Variants in UBE2K observed in about 807,000 individuals in gnomAD.
The protein encoded by UBE2K is ubiquitin conjugating enzyme E2 K.
In UBE2K, 6 loss-of-function variants were observed where a neutral mutation model predicts 30.0. That is an observed-to-expected ratio of 0.20 (90% CI 0.11 to 0.39). UBE2K has a LOEUF of 0.39. Among genes scored for constraint, UBE2K ranks in the 10% least tolerant of loss-of-function variants. UBE2K has a pLI of 1.00. For synonymous variants in UBE2K, 86 were observed against 83.7 expected (o/e 1.03, Z -0.15); for missense variants, 61 against 241.6 (o/e 0.25, Z 4.96).
chr4:39,756,988 GT>G (rs1404741717), intron 4 of UBE2K, among the ~76,000 whole-genome samples: 2 of 109,490 alleles, frequency 1.8e-5, no homozygotes, highest in South Asian at 7.0e-4. Context: ...TTTAAGCTAT[GT>G]TTTTTTGGGT....
chr4:39,768,512 G>A (rs1183837784), intron 4 of UBE2K, among the ~76,000 whole-genome samples: 2 of 151,618 alleles, frequency 1.3e-5, no homozygotes, highest in African/African-American at 4.8e-5. Flanking sequence ...TTTGAGGACT[G>A]AGTTTGGCTT....
At chr4:39,770,828 T>TACGTCC (rs758359595) in intron 4 of UBE2K, 1,475 of 1,547,484 alleles carry the variant, frequency 9.5e-4, no homozygotes, top group Non-Finnish European at 1.2e-3. Flanking sequence ...AGATGTCAGA[T>TACGTCC]ACGTCCTCAT....
At chr4:39,773,796 C>T (rs1446675612) in intron 4 of UBE2K, among the ~76,000 whole-genome samples, 3 of 152,032 alleles carry the variant, frequency 2.0e-5, no homozygotes, top group Non-Finnish European at 1.5e-5. Context: ...TGGCGGGCGC[C>T]TGTTGTCCCA....
chr4:39,715,844 T>C (rs1303262653), intron 1 of UBE2K, among the ~76,000 whole-genome samples: 2 of 46,340 alleles, frequency 4.3e-5, no homozygotes, highest in African/African-American at 3.9e-4. Context: ...AGGACCCGTT[T>C]TTTTTTATTT....
intron 3 of UBE2K, among the ~76,000 whole-genome samples, chr4:39,754,465 A>G (rs1193337919): frequency 6.6e-6 from 1 of 152,234 alleles, no homozygotes; most frequent in African/African-American, 2.4e-5. Flanking sequence ...AGAAGAGAGA[A>G]GTGGAAACTC....
chr4:39,729,783 T>C (rs1719971928), intron 1 of UBE2K, among the ~76,000 whole-genome samples: 1 of 152,246 alleles, frequency 6.6e-6, no homozygotes. Flanking sequence ...TGTAGTCACA[T>C]TGGCGGCATT....
At chr4:39,700,612 A>G (rs1198588927) in intron 1 of UBE2K, among the ~76,000 whole-genome samples, 9 of 152,194 alleles carry the variant, frequency 5.9e-5, no homozygotes, top group Non-Finnish European at 1.2e-4. Flanking sequence ...AGTATAGTCC[A>G]TGTGTTTCCT....
At chr4:39,770,646 C>G (rs1018616029) in intron 4 of UBE2K, 1 of 1,595,660 alleles carries the variant, frequency 6.3e-7, no homozygotes, top group African/African-American at 1.3e-5. Context: ...CAGGCTATAG[C>G]AGGCCTTCAC....
At position 39,714,517 on chromosome 4, in the gene UBE2K, C is replaced by CATCTATATATATATATATATATAT. The variant is rs1553874880; in HGVS notation, c.63+16129_63+16130insCTATATATATATATATATATATAT. 23 of 41,636 alleles carry CATCTATATATATATATATATATAT rather than the reference C, an allele frequency of 5.5e-4. 3 individuals carry two copies. The highest frequency in any genetic ancestry group is 1.9e-3 in the African/African-American group (14 of 7,530). 2.6% of individuals were successfully genotyped at this position (41,636 alleles called of 1,614,324 possible). ...TGTCCTCCTTGTCTTTTAGAAGTTT[C>CATCTATATATATATATATATATAT]ATATATATATATATATATATATATA... On this transcript the variant is annotated intron_variant, in intron 1 of 6. Coordinates refer to ENST00000261427, the MANE Select transcript of UBE2K (RefSeq NM_005339.5).
At chr4:39,768,838 T>C (rs1392316233) in intron 4 of UBE2K, among the ~76,000 whole-genome samples, 1 of 152,192 alleles carries the variant, frequency 6.6e-6, no homozygotes, top group Non-Finnish European at 1.5e-5. Context: ...GAGTGCTAGG[T>C]GATATCTCAT....
chr4:39,741,296 T>C (rs1267264054), intron 2 of UBE2K, among the ~76,000 whole-genome samples: 1 of 152,180 alleles, frequency 6.6e-6, no homozygotes. Flanking sequence ...TTATTTCTGC[T>C]GCTGCTGCTG....
chr4:39,773,643 T>C (rs140497201), intron 4 of UBE2K, among the ~76,000 whole-genome samples: 193 of 150,576 alleles, frequency 1.3e-3, no homozygotes, highest in African/African-American at 2.4e-3. Context: ...AGAAGGTGGC[T>C]GGGCGCGGTG....
chr4:39,778,524 T>C lies in UBE2K; in HGVS notation c.*90T>C. Reference sequence around the variant, plus strand: ...TTTAGGATTCTGCATAGATTTCTTTTAAACTGGCATTCTTGCCTAATGATG... The same window carrying C: ...TTTAGGATTCTGCATAGATTTCTTTCAAACTGGCATTCTTGCCTAATGATG... On this transcript the variant is annotated 3_prime_UTR_variant, in exon 7 of 7. Transcript: ENST00000261427. The C allele has an allele frequency of 1.2e-6, 1 of 819,658 alleles. No homozygotes were observed. The highest frequency in any genetic ancestry group is 2.6e-5 in the Admixed American group (1 of 39,054). 50.8% of individuals were successfully genotyped at this position (819,658 alleles called of 1,614,324 possible). A position where few individuals can be genotyped will look rare whatever the true frequency, so the allele number is the denominator to read the frequency against.
At chr4:39,703,794 C>T (rs902400244) in intron 1 of UBE2K, among the ~76,000 whole-genome samples, 2 of 142,934 alleles carry the variant, frequency 1.4e-5, no homozygotes, top group Non-Finnish European at 3.0e-5. Context: ...TTGCAGTGAG[C>T]GAGATGGCAC....
intron 2 of UBE2K, among the ~76,000 whole-genome samples, chr4:39,745,418 G>C (rs938479732): frequency 6.6e-6 from 1 of 151,856 alleles, no homozygotes; most frequent in Admixed American, 6.6e-5. Flanking sequence ...TTCTTAACAG[G>C]ATGGATTAGA....
At chr4:39,765,890 C>A (rs1712288574) in intron 4 of UBE2K, among the ~76,000 whole-genome samples, 1 of 149,370 alleles carries the variant, frequency 6.7e-6, no homozygotes, top group South Asian at 2.1e-4. Context: ...GATGGATCAC[C>A]TGAAGTCAGG....
intron 2 of UBE2K, among the ~76,000 whole-genome samples, chr4:39,744,148 C>T (rs2109358440): frequency 6.6e-6 from 1 of 152,172 alleles, no homozygotes; most frequent in African/African-American, 2.4e-5. Context: ...CAGGCATGAG[C>T]CATTGCACGC....
chr4:39,745,253 A>T (rs1720931512), intron 2 of UBE2K, among the ~76,000 whole-genome samples: 1 of 152,266 alleles, frequency 6.6e-6, no homozygotes, highest in African/African-American at 2.4e-5. Context: ...TAGGGCACAA[A>T]TGAAAAGATT....
chr4:39,778,679 G>C lies in UBE2K; in HGVS notation c.*245G>C. The stretch of plus-strand genomic sequence containing the variant: ...TTTCTTAATAGTGTAAAAATTCCCT[G>C]AGCTAAGCTAAAACCATGGAAGAAA... On this transcript the variant is annotated 3_prime_UTR_variant, in exon 7 of 7. Coordinates refer to ENST00000261427, the MANE Select transcript of UBE2K (RefSeq NM_005339.5). 2.9e-6 allele frequency: 1 copy of C among 345,670 alleles called. No homozygotes were observed. Among genetic ancestry groups the C allele is most frequent in the Non-Finnish European group, 5.3e-6 (1 of 188,972 alleles). The allele number at this position is 345,670 out of a possible 1,614,324, so 21.4% of individuals were successfully genotyped here.
Sources: gnomAD v4.1 joint callset for allele counts (sites outside exome capture counted in the v4.1 genomes callset) on GRCh38, gnomAD v4.1.1 for gene constraint, MANE v1.5 for transcripts, NCBI Gene and HGNC (gene_info 2026-07-23, HGNC 2026-07-21) for gene names.